Variants in SNX25 observed in about 807,000 individuals in gnomAD.
SNX25 encodes the protein sorting nexin-25.
SNX25 carries 62 observed loss-of-function variants against 113.7 expected under a neutral mutation model. The observed-to-expected ratio is 0.55, with a 90% CI of 0.44 to 0.67. The LOEUF is 0.67. SNX25 is among the 30% of genes least tolerant of loss of function. The pLI is 0.00. For missense variants in SNX25, 1,014 were observed against 1,161.0 expected (o/e 0.87, Z 1.84); for synonymous variants, 421 against 436.2 (o/e 0.97, Z 0.43).
At position 185,363,722 on chromosome 4, in the gene SNX25, T is replaced by C. The variant is rs1561061787; in HGVS notation, c.*257T>C. ...ATACCGATTGAAATACAAATGTTAA[T>C]ATGTGAGAACCTAGGAAGTATTTTA... On this transcript the variant is annotated 3_prime_UTR_variant, in exon 19 of 19. Coordinates refer to ENST00000652585, the MANE Select transcript of SNX25 (RefSeq NM_001378034.2). This position sits in a 1 kb window ranked among gnomAD's most constrained non-coding sequence, Gnocchi z 4.2. 6.1e-6 allele frequency: 2 copies of C among 328,632 alleles called. No individual in the cohort carries two copies. Among genetic ancestry groups the C allele is most frequent in the African/African-American group, 2.1e-5 (1 of 47,892 alleles). The allele number at this position is 328,632 out of a possible 1,614,324, so 20.4% of individuals were successfully genotyped here.
At position 185,210,684 on chromosome 4, in the gene SNX25, T is replaced by C. The variant is rs1450888951; in HGVS notation, c.429+429T>C. 7.7e-6 allele frequency among the ~76,000 whole-genome samples: 1 copy of C among 130,350 alleles called. No homozygotes were observed. The highest frequency in any genetic ancestry group is 1.7e-5 in the Non-Finnish European group (1 of 59,050). The allele number at this position is 130,350 out of a possible 152,430, so 85.5% of individuals were successfully genotyped here. On this transcript the variant is annotated intron_variant, in intron 1 of 18. Coordinates refer to ENST00000652585, the MANE Select transcript of SNX25 (RefSeq NM_001378034.2). This position sits in a 1 kb window ranked among gnomAD's most constrained non-coding sequence, Gnocchi z 4.4. ...TCGGTGGGAGGCAACTTTATGACCGTTTGCCGATGAGGAAACTTGCTTCGG... is the reference window on the plus strand; with the variant it reads ...TCGGTGGGAGGCAACTTTATGACCGCTTGCCGATGAGGAAACTTGCTTCGG...
intron 1 of SNX25, among the ~76,000 whole-genome samples, chr4:185,245,904 C>T (rs556433039): frequency 6.6e-6 from 1 of 151,888 alleles, no homozygotes; most frequent in East Asian, 1.9e-4. Context: ...TTTTTTTGCC[C>T]CTATAATTAA....
intron 10 of SNX25, among the ~76,000 whole-genome samples, chr4:185,336,680 A>G (rs1189173628): frequency 6.6e-6 from 1 of 152,188 alleles, no homozygotes; most frequent in Non-Finnish European, 1.5e-5. Context: ...GTAGATCCCT[A>G]GTAGTGGGAT....
At chr4:185,235,066 T>A (rs1322245830) in intron 1 of SNX25, among the ~76,000 whole-genome samples, 1 of 152,226 alleles carries the variant, frequency 6.6e-6, no homozygotes, top group East Asian at 1.9e-4. Context: ...GATCTAATGG[T>A]TTCATATCCC....
chr4:185,360,191 A>G (rs1212541578), intron 16 of SNX25, among the ~76,000 whole-genome samples: 1 of 152,248 alleles, frequency 6.6e-6, no homozygotes, highest in Non-Finnish European at 1.5e-5. Flanking sequence ...GAAGCTAGGC[A>G]GGCAGGTCAG....
intron 3 of SNX25, 25 bp from the exon 4 acceptor site, chr4:185,264,413 C>T: frequency 2.5e-6 from 4 of 1,598,970 alleles, no homozygotes; most frequent in Non-Finnish European, 3.4e-6. Context: ...AACTTCTTTC[C>T]TTCTTTTTCA....
intron 1 of SNX25, among the ~76,000 whole-genome samples, chr4:185,242,739 C>T (rs566147517): frequency 4.6e-5 from 7 of 152,074 alleles, no homozygotes; most frequent in Non-Finnish European, 8.8e-5. Flanking sequence ...CTAAGACCCA[C>T]AGTCAGAGAG....
At chr4:185,377,872 G>A in the SNX25 span, 1 of 491,768 alleles carries the variant, frequency 2.0e-6, no homozygotes, top group Non-Finnish European at 3.6e-6. Context: ...GTAAAATCAA[G>A]ACCTAACTAT....
rs765912672 is a variant in SNX25 at position 185,346,559 on chromosome 4, T to C, written c.2210T>C (p.Val737Ala). 7 of 1,597,042 alleles carry C rather than the reference T, an allele frequency of 4.4e-6. No homozygotes were observed. Among genetic ancestry groups the C allele is most frequent in the Non-Finnish European group, 1.7e-6 (2 of 1,175,792 alleles). The change falls in exon 13 of 19, where the codon GTC becomes GCC. Residue 737 changes from valine (V) to alanine (A), a missense_variant. Coordinates refer to ENST00000652585, the MANE Select transcript of SNX25 (RefSeq NM_001378034.2). ...LSECVPSLKK[V>A]QLPSLSKLPF... Reference sequence around the variant, plus strand: ...CAGTGCGTCCCTTCTTTAAAAAAAGTCCAGTTGCCTTCTCTTAGCAAGCTG... The same window carrying C: ...CAGTGCGTCCCTTCTTTAAAAAAAGCCCAGTTGCCTTCTCTTAGCAAGCTG...
chr4:185,224,970 CAT>C (rs1459945243), intron 1 of SNX25, among the ~76,000 whole-genome samples: 1 of 151,918 alleles, frequency 6.6e-6, no homozygotes, highest in African/African-American at 2.4e-5. Context: ...TTCAAGAAGT[CAT>C]TCAGAGTGTC....
At chr4:185,338,442 C>T (rs2095243647) in intron 10 of SNX25, among the ~76,000 whole-genome samples, 1 of 151,876 alleles carries the variant, frequency 6.6e-6, no homozygotes, top group South Asian at 2.1e-4. Flanking sequence ...CCCCCTCCAC[C>T]ACACCTGGCT....
chr4:185,337,013 A>AT lies in SNX25; in HGVS notation c.1915-2359dup, dbSNP rs546000266. On this transcript the variant is annotated intron_variant, in intron 10 of 18. Transcript: ENST00000652585. ...AGCCCACTTTTTGATGGGATTGTTT[A>AT]TTTTTTTCTTGCTAATTTGTTTGAG... Among the ~76,000 whole-genome samples the AT allele has an allele frequency of 4.6e-5, 7 of 151,208 alleles. No homozygotes were observed. In the South Asian group the frequency reaches 1.0e-3, roughly 23 times the overall value.
rs571743767 is a variant in SNX25 at position 185,362,255 on chromosome 4, C to A, written c.2833+150C>A. ...CTTTTAAGCCATTTTTTGTCACTTG[C>A]TAAGAAGTTATACTGAGAATGTTAA... is the stretch of plus-strand genomic sequence containing the variant. On this transcript the variant is annotated intron_variant, in intron 17 of 18. Transcript: ENST00000652585. 621 of 1,375,080 alleles carry A rather than the reference C, an allele frequency of 4.5e-4. 1 individual carries two copies. Among genetic ancestry groups the A allele is most frequent in the Non-Finnish European group, 4.8e-4 (511 of 1,066,788 alleles). 85.2% of individuals were successfully genotyped at this position (1,375,080 alleles called of 1,614,324 possible).
intron 16 of SNX25, among the ~76,000 whole-genome samples, chr4:185,358,196 G>A (rs1398189154): frequency 3.9e-5 from 6 of 152,206 alleles, no homozygotes; most frequent in Non-Finnish European, 5.9e-5. Context: ...GCACTGAAGT[G>A]CTAACTCTTC....
chr4:185,291,878 G>T (rs1330802078), intron 6 of SNX25, among the ~76,000 whole-genome samples: 1 of 152,116 alleles, frequency 6.6e-6, no homozygotes, highest in Admixed American at 6.6e-5. Context: ...AGGTATGGGG[G>T]GCAGATTAGG....
intron 6 of SNX25, among the ~76,000 whole-genome samples, chr4:185,306,389 G>A (rs1032129411): frequency 3.3e-5 from 5 of 152,240 alleles, no homozygotes; most frequent in African/African-American, 7.2e-5. Flanking sequence ...CAAACAGAAC[G>A]CATTCACGTG....
At chr4:185,288,777 G>A (rs557472828) in intron 6 of SNX25, among the ~76,000 whole-genome samples, 1 of 152,276 alleles carries the variant, frequency 6.6e-6, no homozygotes, top group South Asian at 2.1e-4. Flanking sequence ...ATTCCCCTTT[G>A]CATGTACAAA....
intron 5 of SNX25, among the ~76,000 whole-genome samples, chr4:185,279,318 G>A (rs143287125): frequency 1.0e-3 from 152 of 152,176 alleles, no homozygotes; most frequent in African/African-American, 3.6e-3. Context: ...CCTTGGGGTG[G>A]CCTTGTGATG....
At chr4:185,258,710 T>C (rs1175792867) in intron 2 of SNX25, 138 bp from the exon 3 acceptor site, 1 of 660,960 alleles carries the variant, frequency 1.5e-6, no homozygotes, top group Admixed American at 3.0e-5. Context: ...TTAGGAATTC[T>C]CATGAGTTCT....
Sources: gnomAD v4.1 joint callset for allele counts (sites outside exome capture counted in the v4.1 genomes callset) on GRCh38, gnomAD v4.1.1 for gene constraint, Gnocchi (gnomAD v3.1) non-coding constraint, MANE v1.5 for transcripts, NCBI Gene and HGNC (gene_info 2026-07-23, HGNC 2026-07-21) for gene names.